Variants in ARHGAP42 observed in about 807,000 individuals in gnomAD.
ARHGAP42 encodes Rho GTPase activating protein 42.
Under a neutral mutation model 125.0 loss-of-function variants are expected in ARHGAP42, and 63 were observed. The observed-to-expected ratio is 0.50, with a 90% CI of 0.41 to 0.62. The LOEUF is 0.62. Among genes scored for constraint, ARHGAP42 ranks in the 20% least tolerant of loss-of-function variants. ARHGAP42 has a pLI of 0.00. For missense variants in ARHGAP42, 766 were observed against 1,024.2 expected, an observed-to-expected ratio of 0.75 and a Z score of 3.44; for synonymous variants, 339 against 351.0, an observed-to-expected ratio of 0.97 and a Z score of 0.38.
chr11:100,869,480 A>T lies in ARHGAP42; in HGVS notation c.384+9855A>T, dbSNP rs557234341. ...ACGTCCTTGTGAGGTATCAGCCCTG[A>T]CTCCATTAACACCAATGGAGAAACA... On this transcript the variant is annotated intron_variant, in intron 4 of 23. Coordinates refer to ENST00000298815, the MANE Select transcript of ARHGAP42 (RefSeq NM_152432.4). Among the ~76,000 whole-genome samples the T allele has an allele frequency of 1.1e-4, 17 of 151,042 alleles. No homozygotes were observed. The East Asian group carries it at 3.3e-3, about 29-fold the overall frequency.
chr11:100,737,882 A>G (rs1862100596), intron 1 of ARHGAP42, among the ~76,000 whole-genome samples: 1 of 152,222 alleles, frequency 6.6e-6, no homozygotes, highest in African/African-American at 2.4e-5. Flanking sequence ...CCTATTGCTC[A>G]TGATCAATCC....
rs1436128464 is a variant in ARHGAP42 at position 100,989,250 on chromosome 11, T to G, written c.*449T>G. 7.5e-6 allele frequency: 3 copies of G among 397,580 alleles called. No individual in the cohort carries two copies. The highest frequency in any genetic ancestry group is 1.3e-5 in the Non-Finnish European group (3 of 225,602). 24.6% of individuals were successfully genotyped at this position (397,580 alleles called of 1,614,324 possible). ...AAATTGTTCATTTATTGTTTTTTTT[T>G]TCTTAGAAATATACTGCTTTTATAT... On this transcript the variant is annotated 3_prime_UTR_variant, in exon 24 of 24. Transcript: ENST00000298815.
At chr11:100,870,415 A>T (rs961383250) in intron 4 of ARHGAP42, among the ~76,000 whole-genome samples, 1 of 152,160 alleles carries the variant, frequency 6.6e-6, no homozygotes, top group Non-Finnish European at 1.5e-5. Context: ...CCTCTACCGC[A>T]TTTCCCTGGC....
At chr11:100,809,735 G>C (rs183441272) in intron 3 of ARHGAP42, among the ~76,000 whole-genome samples, 1 of 152,076 alleles carries the variant, frequency 6.6e-6, no homozygotes, top group Non-Finnish European at 1.5e-5. Flanking sequence ...TGGGTGGATC[G>C]CATGAGCCCA....
chr11:100,942,179 C>T (rs995522131), intron 9 of ARHGAP42, among the ~76,000 whole-genome samples: 5 of 152,244 alleles, frequency 3.3e-5, no homozygotes, highest in Non-Finnish European at 4.4e-5. Flanking sequence ...TTTGTCTATG[C>T]TGTTGGTTGG....
chr11:100,744,544 GTGTGTGTGTGTGTGTGTGTGCGTGCT>G (rs1453814407), intron 1 of ARHGAP42, among the ~76,000 whole-genome samples: 1 of 115,434 alleles, frequency 8.7e-6, no homozygotes, highest in Non-Finnish European at 1.8e-5. Context: ...TACTCTGTGT[GTGTGTGTGTGTGTGTGTGTGCGTGCT>G]TGTGTGTGTG....
chr11:100,820,049 G>A (rs1864366998), intron 3 of ARHGAP42, among the ~76,000 whole-genome samples: 1 of 152,082 alleles, frequency 6.6e-6, no homozygotes, highest in Admixed American at 6.6e-5. Flanking sequence ...ACAGGGCTCG[G>A]AGGCAGTAAA....
Position 100,993,828 on chromosome 11 carries a change from A to G in ARHGAP42, c.*5027A>G, listed in dbSNP as rs1858905205. 6.0e-6 allele frequency: 1 copy of G among 167,090 alleles called. No homozygotes were observed. The highest frequency in any genetic ancestry group is 2.1e-4 in the South Asian group (1 of 4,830). 10.4% of individuals were successfully genotyped at this position (167,090 alleles called of 1,614,324 possible). On this transcript the variant is annotated 3_prime_UTR_variant, in exon 24 of 24. Transcript: ENST00000298815. ...GTATATATACACACATACATATGCC[A>G]ACATGTAAATAACCTCATGTTTATT...
chr11:100,687,705 C>T lies in ARHGAP42; in HGVS notation c.27C>T (p.Ser9=), dbSNP rs1049926474. The T allele has an allele frequency of 6.5e-7, 1 of 1,544,090 alleles. No individual in the cohort carries two copies. The highest frequency in any genetic ancestry group is 2.0e-5 in the Admixed American group (1 of 50,644). ...TGGGGCTGCCCACTCTGGAGTTCAG[C>T]GATTCCTACTTGGACAGCCCAGATT... is the stretch of plus-strand genomic sequence containing the variant. MGLPTLEF[S]DSYLDSPDFR... is the part of the protein sequence containing the mutation. Residue 9 remains serine (S), a synonymous_variant, in exon 1 of 24, where the codon AGC becomes AGT. Coordinates refer to ENST00000298815, the MANE Select transcript of ARHGAP42 (RefSeq NM_152432.4).
At chr11:100,854,841 T>A (rs1010639508) in intron 3 of ARHGAP42, among the ~76,000 whole-genome samples, 1 of 152,132 alleles carries the variant, frequency 6.6e-6, no homozygotes, top group Non-Finnish European at 1.5e-5. Context: ...AGAGAAGAGA[T>A]GCTTGCTTGT....
chr11:100,956,947 C>T (rs1857821254), intron 12 of ARHGAP42, among the ~76,000 whole-genome samples: 1 of 151,996 alleles, frequency 6.6e-6, no homozygotes, highest in African/African-American at 2.4e-5. Flanking sequence ...AGGAAGGATG[C>T]CTTATTCATG....
intron 1 of ARHGAP42, among the ~76,000 whole-genome samples, chr11:100,730,080 A>AT (rs1188984294): frequency 5.9e-5 from 9 of 152,080 alleles, no homozygotes. Context: ...AAGTGCTGGG[A>AT]TTTATAGGCA....
chr11:100,910,328 T>A (rs1322802476), intron 4 of ARHGAP42, among the ~76,000 whole-genome samples: 2 of 152,188 alleles, frequency 1.3e-5, no homozygotes, highest in African/African-American at 2.4e-5. Flanking sequence ...TTCTAGGACA[T>A]CCCCTTCTAC....
At chr11:100,807,443 G>A (rs113611971) in intron 3 of ARHGAP42, among the ~76,000 whole-genome samples, 58 of 152,198 alleles carry the variant, frequency 3.8e-4, no homozygotes, top group African/African-American at 1.3e-3. Flanking sequence ...AAATCCACCC[G>A]CCTCGGTCTC....
chr11:100,921,977 G>C (rs34501581), intron 6 of ARHGAP42, among the ~76,000 whole-genome samples: 5,122 of 151,752 alleles, frequency 0.034, 142 homozygotes, highest in Non-Finnish European at 0.051. Context: ...GTTGGCGGGA[G>C]GGGGGTGCAG....
intron 4 of ARHGAP42, among the ~76,000 whole-genome samples, chr11:100,910,245 T>C (rs1866872277): frequency 6.6e-6 from 1 of 152,154 alleles, no homozygotes; most frequent in Admixed American, 6.5e-5. Flanking sequence ...TTTATCTGCA[T>C]AGACATATAG....
At chr11:100,731,862 A>C (rs1861964374) in intron 1 of ARHGAP42, among the ~76,000 whole-genome samples, 1 of 152,216 alleles carries the variant, frequency 6.6e-6, no homozygotes, top group Non-Finnish European at 1.5e-5. Context: ...CATCTCAAAG[A>C]AAGTTGAACA....
chr11:100,719,738 C>T (rs1185633202), intron 1 of ARHGAP42, among the ~76,000 whole-genome samples: 1 of 152,148 alleles, frequency 6.6e-6, no homozygotes, highest in African/African-American at 2.4e-5. Context: ...ATACTCTTGG[C>T]TATACCGGCT....
At chr11:100,712,560 T>C (rs906879740) in intron 1 of ARHGAP42, among the ~76,000 whole-genome samples, 1 of 152,198 alleles carries the variant, frequency 6.6e-6, no homozygotes, top group African/African-American at 2.4e-5. Flanking sequence ...GGGAAGTTAA[T>C]GAGAACTGAG....
Sources: allele counts gnomAD v4.1 joint callset (sites outside exome capture counted in the v4.1 genomes callset), GRCh38; gene constraint gnomAD v4.1.1; transcripts MANE v1.5; gene names NCBI Gene and HGNC (gene_info 2026-07-23, HGNC 2026-07-21).